MAP3K13: variants seen among roughly 807,000 people sequenced by gnomAD.
MAP3K13 encodes leucine zipper-bearing kinase.
MAP3K13 carries 52 observed loss-of-function variants against 104.0 expected under a neutral mutation model. That is an observed-to-expected ratio of 0.50 (90% CI 0.40 to 0.63). The LOEUF is 0.63. Ranked by LOEUF, MAP3K13 falls within the 20% of genes least tolerant of loss-of-function variation. The pLI is 0.00. For missense variants in MAP3K13, 914 were observed against 1,218.5 expected, an observed-to-expected ratio of 0.75 and a Z score of 3.72; for synonymous variants, 394 against 442.2, an observed-to-expected ratio of 0.89 and a Z score of 1.37.
chr3:185,467,321 T>C (rs1402134033), intron 10 of MAP3K13, among the ~76,000 whole-genome samples: 1 of 152,244 alleles, frequency 6.6e-6, no homozygotes, highest in African/African-American at 2.4e-5. Context: ...ATGAGATTTC[T>C]TTTTATTTTT....
At chr3:185,461,374 A>G (rs1717087616) in intron 7 of MAP3K13, among the ~76,000 whole-genome samples, 1 of 152,128 alleles carries the variant, frequency 6.6e-6, no homozygotes, top group Non-Finnish European at 1.5e-5. Context: ...CATATTATAG[A>G]ATGATCATTT....
intron 2 of MAP3K13, among the ~76,000 whole-genome samples, chr3:185,355,847 AAT>A (rs1325075750): frequency 6.6e-6 from 1 of 152,260 alleles, no homozygotes; most frequent in Non-Finnish European, 1.5e-5. Context: ...AGAAATATAA[AAT>A]ATGTTTAGTT....
At chr3:185,360,818 C>CTTTTTTT (rs532196266), upstream of MAP3K13, among the ~76,000 whole-genome samples, 3 of 78,098 alleles carry the variant, frequency 3.8e-5, no homozygotes, top group East Asian at 3.8e-4. Context: ...ACAGCTTTAG[C>CTTTTTTT]TTTTTTTTTT....
At chr3:185,354,410 A>G (rs1464532427) in intron 2 of MAP3K13, among the ~76,000 whole-genome samples, 7 of 148,582 alleles carry the variant, frequency 4.7e-5, no homozygotes, top group South Asian at 2.2e-4. Context: ...TTTGAAGCCT[A>G]TAGGTTAGGC....
At position 185,311,632 on chromosome 3, in the gene MAP3K13, G is replaced by A. The variant is rs1169888922; in HGVS notation, c.-86+25989G>A. Among the ~76,000 whole-genome samples the A allele has an allele frequency of 7.2e-5, 11 of 152,230 alleles. No individual in the cohort carries two copies. The East Asian group carries it at 1.2e-3, about 16-fold the overall frequency. ...CTCATCAAGGTTCCCTGATGTCTCAGAGTCCCCCAAATTGGTATGTAGACC... is the reference window on the plus strand; with the variant it reads ...CTCATCAAGGTTCCCTGATGTCTCAAAGTCCCCCAAATTGGTATGTAGACC... On this transcript the variant is annotated intron_variant, in intron 2 of 14. Transcript: ENST00000424227.
At chr3:185,311,924 A>G (rs969609577) in intron 2 of MAP3K13, among the ~76,000 whole-genome samples, 1 of 152,248 alleles carries the variant, frequency 6.6e-6, no homozygotes, top group Non-Finnish European at 1.5e-5. Flanking sequence ...AAATTTAACA[A>G]TGAATTATAG....
chr3:185,304,391 A>T (rs1721208389), intron 2 of MAP3K13, among the ~76,000 whole-genome samples: 1 of 152,140 alleles, frequency 6.6e-6, no homozygotes. Flanking sequence ...TGGTTGTTCT[A>T]TCCATTATTA....
chr3:185,383,131 C>T (rs545930395), intron 1 of MAP3K13, among the ~76,000 whole-genome samples: 3 of 148,444 alleles, frequency 2.0e-5, no homozygotes, highest in Admixed American at 6.8e-5. Context: ...TTTGTTCTTG[C>T]GATAGTTTAC....
chr3:185,305,368 T>A lies in MAP3K13; in HGVS notation c.-86+19725T>A, dbSNP rs561166993. Among the ~76,000 whole-genome samples the A allele has an allele frequency of 3.3e-5, 5 of 152,330 alleles. No individual in the cohort carries two copies. In the East Asian group the frequency reaches 9.6e-4, roughly 29 times the overall value. ...TATTTTAAACTGATGTCAGCTTAAT[T>A]TAAACCATGTACAAAAACTCTACTC... is the stretch of plus-strand genomic sequence containing the variant. On this transcript the variant is annotated intron_variant, in intron 2 of 14. Transcript: ENST00000424227.
At chr3:185,460,586 G>C (rs1465268794) in intron 7 of MAP3K13, among the ~76,000 whole-genome samples, 1 of 152,188 alleles carries the variant, frequency 6.6e-6, no homozygotes, top group African/African-American at 2.4e-5. Flanking sequence ...TATGTGCCCA[G>C]ACATGGCTGA....
At chr3:185,399,876 C>A (rs919538295) in intron 1 of MAP3K13, among the ~76,000 whole-genome samples, 1 of 152,028 alleles carries the variant, frequency 6.6e-6, no homozygotes, top group African/African-American at 2.4e-5. Flanking sequence ...TGCTGGAGGT[C>A]CTGCCTCAAT....
intron 10 of MAP3K13, among the ~76,000 whole-genome samples, chr3:185,467,418 T>C (rs879872209): frequency 6.6e-6 from 1 of 152,210 alleles, no homozygotes; most frequent in Non-Finnish European, 1.5e-5. Context: ...TATTCACACA[T>C]TTAGTTCGTT....
intron 2 of MAP3K13, among the ~76,000 whole-genome samples, chr3:185,430,784 AT>A (rs2148884872): frequency 6.6e-6 from 1 of 152,302 alleles, no homozygotes; most frequent in African/African-American, 2.4e-5. Context: ...TAATGTTTTC[AT>A]TATATATTAG....
intron 1 of MAP3K13, among the ~76,000 whole-genome samples, chr3:185,368,816 A>G (rs6793493): frequency 0.84 from 127,676 of 151,926 alleles, 54,292 homozygotes; most frequent in Non-Finnish European, 0.91. Context: ...AAAATTAGCC[A>G]GGCATGGTGG....
chr3:185,387,531 G>A (rs749676006), intron 1 of MAP3K13, among the ~76,000 whole-genome samples: 4 of 151,938 alleles, frequency 2.6e-5, no homozygotes, highest in East Asian at 1.9e-4. Context: ...ACCCAGCCTC[G>A]GGTATTCCTT....
rs75626822 is a variant in MAP3K13 at position 185,487,786 on chromosome 3, G to C, written c.*5330G>C. The C allele has an allele frequency of 6.6e-6, 1 of 152,138 alleles. No homozygotes were observed. The allele number at this position is 152,138 out of a possible 1,614,324, so 9.4% of individuals were successfully genotyped here. A position where few individuals can be genotyped will look rare whatever the true frequency, so the allele number is the denominator to read the frequency against. ...CCTCCAAGACCAAGACCAACATTAT[G>C]TATTGAGCATCGTATCTTTCCTACT... is the stretch of plus-strand genomic sequence containing the variant. On this transcript the variant is annotated 3_prime_UTR_variant, in exon 14 of 14. Coordinates refer to ENST00000265026, the MANE Select transcript of MAP3K13 (RefSeq NM_004721.5).
intron 1 of MAP3K13, among the ~76,000 whole-genome samples, chr3:185,413,302 G>A (rs145528365): frequency 6.6e-6 from 1 of 152,108 alleles, no homozygotes; most frequent in Admixed American, 6.6e-5. Flanking sequence ...TGAATAAAGC[G>A]CATAGAGCAG....
At chr3:185,291,768 C>T (rs1301874333) in intron 2 of MAP3K13, 11 of 1,464,720 alleles carry the variant, frequency 7.5e-6, no homozygotes, top group Non-Finnish European at 9.8e-6. Context: ...AAAGTACAAG[C>T]TTAAAGGGGC....
intron 1 of MAP3K13, among the ~76,000 whole-genome samples, chr3:185,368,368 T>C (rs994300163): frequency 8.5e-5 from 13 of 152,302 alleles, no homozygotes; most frequent in Admixed American, 7.2e-4. Flanking sequence ...ACATTAAGTA[T>C]TGCCATGAAT....
Sources: allele counts gnomAD v4.1 joint callset (sites outside exome capture counted in the v4.1 genomes callset), GRCh38; gene constraint gnomAD v4.1.1; transcripts MANE v1.5; gene names NCBI Gene and HGNC (gene_info 2026-07-23, HGNC 2026-07-21).